The following IL17REL variants were observed in gnomAD, a reference collection of about 807,000 sequenced individuals.
IL17REL encodes the protein interleukin-17 receptor E-like protein.
IL17REL carries 36 observed loss-of-function variants against 49.0 expected under a neutral mutation model. The ratio of observed to expected loss-of-function variants is 0.73; its 90% CI spans 0.56 to 0.97. The LOEUF is 0.97. Among genes scored for constraint, IL17REL ranks in the 50% least tolerant of loss-of-function variants. The pLI, the probability that IL17REL is intolerant of heterozygous loss-of-function variation, is 0.00. For synonymous variants in IL17REL, 206 were observed against 192.4 expected (o/e 1.07, Z -0.58); for missense variants, 470 against 453.9 (o/e 1.04, Z -0.32).
upstream of IL17REL, among the ~76,000 whole-genome samples, chr22:50,010,973 C>T (rs1358181668): frequency 6.6e-6 from 1 of 151,478 alleles, no homozygotes; most frequent in African/African-American, 2.4e-5. Context: ...CCCCTGCATG[C>T]GGCCCAGCCT....
intron 7 of IL17REL, among the ~76,000 whole-genome samples, 193 bp downstream of exon 9, chr22:49,999,098 G>GCACACACA (rs144306366): frequency 1.3e-5 from 2 of 151,524 alleles, no homozygotes; most frequent in African/African-American, 4.8e-5. Flanking sequence ...CATGTACATT[G>GCACACACA]CACACACACA....
chr22:49,997,071 C>T, exon 12 of IL17REL: 1 of 1,568,862 alleles, frequency 6.4e-7, no homozygotes, highest in Non-Finnish European at 8.6e-7. Flanking sequence ...GCTGCCAGGT[C>T]ACCCTGGGTG....
rs1462004857 is a variant in IL17REL at position 49,997,093 on chromosome 22, G to A, written c.975-19C>T. The A allele has an allele frequency of 6.4e-7, 1 of 1,572,910 alleles. No homozygotes were observed. The highest frequency in any genetic ancestry group is 1.2e-5 in the South Asian group (1 of 85,152). ...GGTCACCCTGGGTGGGGGAGGGCAG[G>A]TCACAGGCAATGGGAGGAAGGGTGG... On this transcript the variant is annotated intron_variant, in intron 11 of 12. Transcript: ENST00000341280.
rs775278927 is a variant in IL17REL at position 50,006,750 on chromosome 22, G to GT, written c.-42+1886_-42+1887insA. 4.9e-4 allele frequency among the ~76,000 whole-genome samples: 75 copies of GT among 152,090 alleles called. 1 individual carries two copies. The East Asian group carries it at 0.014, about 28-fold the overall frequency. ...GGGCGGATCATGAGGTCAAGAGATCGAGACCAGCCTGGCCAACATGGTGAA... is the reference window on the plus strand; with the variant it reads ...GGGCGGATCATGAGGTCAAGAGATCGTAGACCAGCCTGGCCAACATGGTGAA... On this transcript the variant is annotated intron_variant, in intron 1 of 12. Transcript: ENST00000341280.
exon 8 of IL17REL, chr22:49,998,165 T>G (rs2061048740): frequency 6.2e-7 from 1 of 1,609,110 alleles, no homozygotes; most frequent in African/African-American, 1.3e-5. Flanking sequence ...GCTGGATTGC[T>G]GCAGCTTACG....
At chr22:49,997,531 G>C (rs745794027) in intron 10 of IL17REL, 48 bp from the exon 13 acceptor site, 1 of 1,336,198 alleles carries the variant, frequency 7.5e-7, no homozygotes, top group South Asian at 1.2e-5. Flanking sequence ...GCACCCCACC[G>C]CCTCCCTTCC....
exon 8 of IL17REL, chr22:49,998,182 G>C: frequency 6.2e-7 from 1 of 1,610,514 alleles, no homozygotes. Flanking sequence ...TACGGCAGCC[G>C]GCCCCCGGCC....
downstream of IL17REL, among the ~76,000 whole-genome samples, chr22:49,994,342 C>G (rs1601882561): frequency 6.6e-6 from 1 of 152,192 alleles, no homozygotes; most frequent in East Asian, 1.9e-4. Context: ...CTCCCAGAGA[C>G]CCGGCACCTC....
chr22:49,992,257 C>T (rs1569206144), downstream of IL17REL, among the ~76,000 whole-genome samples: 1 of 152,158 alleles, frequency 6.6e-6, no homozygotes, highest in Non-Finnish European at 1.5e-5. Context: ...ACCCCGAAGG[C>T]CTCACCTTCT....
chr22:49,992,907 G>A (rs150178194), downstream of IL17REL, among the ~76,000 whole-genome samples: 32 of 152,186 alleles, frequency 2.1e-4, no homozygotes, highest in East Asian at 5.8e-3. Flanking sequence ...GGGAGCCACC[G>A]TGCCCAGACC....
In IL17REL at chr22:50,000,855, G is replaced by A. The variant is rs182975550; in HGVS notation, c.118C>T (p.Arg40Trp). 124 of 1,564,704 alleles carry A rather than the reference G, an allele frequency of 7.9e-5. No individual in the cohort carries two copies. The highest frequency in any genetic ancestry group is 2.1e-4 in the Middle Eastern group (1 of 4,878). The change falls in exon 3 of 13, where the codon CGG (arginine) becomes TGG (tryptophan). Residue 40 changes from arginine (R) to tryptophan (W), a missense_variant. Arg to Trp is a moderately radical substitution (Grantham distance 101, BLOSUM62 -3). Transcript: ENST00000341280. ...CTCATGGCACAGGCCTCCAGGCCCCGCAGGCGCTCTGGGTGGAGGAAGGAC... is the reference window on the plus strand; with the variant it reads ...CTCATGGCACAGGCCTCCAGGCCCCACAGGCGCTCTGGGTGGAGGAAGGAC...
exon 3 of IL17REL, chr22:50,000,845 T>C: frequency 6.3e-7 from 1 of 1,581,740 alleles, no homozygotes. Context: ...GGCACAGGCC[T>C]CCAGGCCCCG....
downstream of IL17REL, among the ~76,000 whole-genome samples, chr22:49,993,359 C>G (rs558267828): frequency 3.8e-4 from 58 of 152,332 alleles, no homozygotes; most frequent in South Asian, 0.012. The surrounding 1 kb of genome is among the most constrained non-coding windows in gnomAD (Gnocchi z 6.0). Flanking sequence ...CCGCACCCCC[C>G]TTTCTGGGGC....
chr22:50,004,557 C>T (rs553318382), intron 1 of IL17REL, among the ~76,000 whole-genome samples: 10 of 151,950 alleles, frequency 6.6e-5, no homozygotes, highest in African/African-American at 1.4e-4. Flanking sequence ...CCTTAGAGCT[C>T]GGTGTGTATG....
rs969297726 is a variant in IL17REL at position 49,996,869 on chromosome 22, A to G, written c.*45-9T>C. ...ACATCGGTCCTCCAGCCCTGCAGGCATAAGGCAGCTCCGTCAACATGGCCT... is the reference window on the plus strand; with the variant it reads ...ACATCGGTCCTCCAGCCCTGCAGGCGTAAGGCAGCTCCGTCAACATGGCCT... On this transcript the variant is annotated splice_polypyrimidine_tract_variant and intron_variant, in intron 12 of 12. Transcript: ENST00000341280. 8 of 598,768 alleles carry G rather than the reference A, an allele frequency of 1.3e-5. No individual in the cohort carries two copies. The highest frequency in any genetic ancestry group is 2.4e-5 in the Non-Finnish European group (8 of 335,706). 37.1% of individuals were successfully genotyped at this position (598,768 alleles called of 1,614,324 possible).
chr22:50,003,248 G>A (rs529705083), intron 1 of IL17REL, among the ~76,000 whole-genome samples: 28 of 152,264 alleles, frequency 1.8e-4, no homozygotes, highest in African/African-American at 6.3e-4. Context: ...GAGTGGGCCG[G>A]GCGGGGCTCA....
chr22:50,008,372 G>A (rs961146739), intron 1 of IL17REL, among the ~76,000 whole-genome samples: 2 of 152,230 alleles, frequency 1.3e-5, no homozygotes, highest in South Asian at 4.1e-4. Flanking sequence ...GGTTTGGAAC[G>A]CAACGAGGCA....
chr22:49,991,876 G>A (rs2061008230), downstream of IL17REL, among the ~76,000 whole-genome samples: 1 of 152,172 alleles, frequency 6.6e-6, no homozygotes, highest in Admixed American at 6.5e-5. Flanking sequence ...AGCCTCAGGA[G>A]GTCCTGACAT....
chr22:50,000,388 G>A, intron 4 of IL17REL, 90 bp downstream of exon 5: 1 of 970,692 alleles, frequency 1.0e-6, no homozygotes, highest in Non-Finnish European at 1.6e-6. Context: ...CCAGTGTGAG[G>A]GCCAGGCCCC....
Sources: allele counts gnomAD v4.1 joint callset (sites outside exome capture counted in the v4.1 genomes callset), GRCh38; gene constraint gnomAD v4.1.1; non-coding constraint Gnocchi (gnomAD v3.1); transcripts MANE v1.5; gene names NCBI Gene and HGNC (gene_info 2026-07-23, HGNC 2026-07-21).